MID1: variants seen among roughly 807,000 people sequenced by gnomAD.
MID1 encodes E3 ubiquitin-protein ligase Midline-1.
MID1 carries 7 observed loss-of-function variants against 40.4 expected under a neutral mutation model. That is an observed-to-expected ratio of 0.17 (90% CI 0.10 to 0.33). The LOEUF (loss-of-function observed/expected upper bound fraction) is 0.33. MID1 is among the 10% of genes least tolerant of loss of function. The probability of loss-of-function intolerance (pLI) is 1.00; values close to 1 mark genes in which losing one functional copy is unlikely to be tolerated. For synonymous variants in MID1, 229 were observed against 221.2 expected (o/e 1.04, Z -0.31); for missense variants, 367 against 558.5 (o/e 0.66, Z 3.46).
intron 1 of MID1, among the ~76,000 whole-genome samples, chrX:10,811,983 GTTAAT>G (rs2044105826): frequency 9.0e-6 from 1 of 111,577 alleles, no homozygotes; most frequent in African/African-American, 3.3e-5. Context: ...GTCATTAATG[GTTAAT>G]TTAAAGTTGG....
At chrX:10,636,490 G>T (rs1286792074) in intron 1 of MID1, among the ~76,000 whole-genome samples, 1 of 109,854 alleles carries the variant, frequency 9.1e-6, no homozygotes, top group Non-Finnish European at 1.9e-5. Flanking sequence ...AGTCCTTACA[G>T]GTTTCACCGT....
intron 6 of MID1, among the ~76,000 whole-genome samples, chrX:10,473,990 C>G (rs1290572403): frequency 2.7e-5 from 3 of 111,907 alleles, no homozygotes; most frequent in Non-Finnish European, 3.8e-5. Flanking sequence ...AAACACAGCA[C>G]TAGGAATTCC....
At chrX:10,731,083 T>C (rs960570482) in intron 1 of MID1, among the ~76,000 whole-genome samples, 4 of 111,781 alleles carry the variant, frequency 3.6e-5, no homozygotes, top group African/African-American at 1.3e-4. Context: ...CTTGAAAATA[T>C]TTGAGATGAA....
intron 1 of MID1, among the ~76,000 whole-genome samples, chrX:10,704,716 G>GTATATATATA (rs771605675): frequency 1.6e-3 from 125 of 78,072 alleles, no homozygotes; most frequent in Admixed American, 2.5e-3. Flanking sequence ...GTGTGTGTGT[G>GTATATATATA]TATATATATA....
At chrX:10,715,600 G>A (rs2043297102) in intron 1 of MID1, among the ~76,000 whole-genome samples, 1 of 112,043 alleles carries the variant, frequency 8.9e-6, no homozygotes, top group African/African-American at 3.2e-5. Context: ...GCTTGCCTCT[G>A]TAGACTCCAC....
At chrX:10,503,732 G>A (rs988813056) in intron 3 of MID1, among the ~76,000 whole-genome samples, 3 of 111,535 alleles carry the variant, frequency 2.7e-5, no homozygotes, top group Admixed American at 9.5e-5. Context: ...TTTGCTATGG[G>A]ACTAAAAAAA....
upstream of MID1, among the ~76,000 whole-genome samples, chrX:10,621,790 A>T (rs190371006): frequency 2.8e-5 from 3 of 109,083 alleles, no homozygotes; most frequent in Admixed American, 1.0e-4. Flanking sequence ...ACTTCAGTCC[A>T]CTTCTTGTAC....
At chrX:10,701,917 A>G (rs1163570425) in intron 1 of MID1, among the ~76,000 whole-genome samples, 1 of 112,801 alleles carries the variant, frequency 8.9e-6, no homozygotes, top group East Asian at 2.8e-4. Context: ...TGCATAAGTA[A>G]ATAACATTGA....
intron 3 of MID1, among the ~76,000 whole-genome samples, chrX:10,505,003 G>C (rs1205823824): frequency 9.0e-6 from 1 of 111,720 alleles, no homozygotes; most frequent in Non-Finnish European, 1.9e-5. Flanking sequence ...ATATTCAGAG[G>C]ACTGCAGGTA....
intron 2 of MID1, among the ~76,000 whole-genome samples, chrX:10,547,605 A>AAGGGGGGGGGGGGGGG (rs1555902071): frequency 1.0e-5 from 1 of 95,449 alleles, no homozygotes; most frequent in African/African-American, 4.7e-5. Context: ...GGAAGGAAAG[A>AAGGGGGGGGGGGGGGG]AGGGAGGGTA....
rs1002023962 is a variant in MID1 at position 10,733,507 on chromosome X, T to A, written c.-187+100047A>T. Among the ~76,000 whole-genome samples, 4 of 111,498 alleles carry A rather than the reference T, an allele frequency of 3.6e-5. No homozygotes were observed. In the East Asian group the frequency reaches 1.1e-3, roughly 31 times the overall value. On this transcript the variant is annotated intron_variant, in intron 1 of 10. Coordinates refer to the MID1 transcript ENST00000380785. ...TGCTTATCAAAATACACTTGAAAAA[T>A]GAAAAGGCAAGCTATACATTGAAAA...
chrX:10,550,256 G>A (rs1293354019), intron 2 of MID1, among the ~76,000 whole-genome samples: 1 of 112,556 alleles, frequency 8.9e-6, no homozygotes, highest in Non-Finnish European at 1.9e-5. Context: ...GACACAGACG[G>A]CTACACCTGG....
At chrX:10,766,908 C>CAAAAAAAA (rs61259004) in intron 1 of MID1, among the ~76,000 whole-genome samples, 1 of 57,346 alleles carries the variant, frequency 1.7e-5, no homozygotes. Context: ...GACCCTGCCT[C>CAAAAAAAA]AAAAAAAAAA....
intron 7 of MID1, among the ~76,000 whole-genome samples, chrX:10,462,086 A>ATTAT (rs778192838): frequency 2.9e-4 from 33 of 112,158 alleles, no homozygotes; most frequent in African/African-American, 1.0e-3. Context: ...GACTATCCTG[A>ATTAT]TTATTTTGAA....
At chrX:10,476,416 G>A (rs1489059150) in intron 5 of MID1, among the ~76,000 whole-genome samples, 1 of 110,549 alleles carries the variant, frequency 9.0e-6, no homozygotes, top group Non-Finnish European at 1.9e-5. Flanking sequence ...ATCACCCTTT[G>A]GGAGGCCTTG....
chrX:10,765,922 AGAAAGGAAAGGAAAG>A (rs1206063913), intron 1 of MID1, among the ~76,000 whole-genome samples: 3 of 97,863 alleles, frequency 3.1e-5, no homozygotes, highest in African/African-American at 1.3e-4. Flanking sequence ...AAAGAAAGAA[AGAAAGGAAAGGAAAG>A]GAAAGGAAAG....
At chrX:10,548,322 C>A (rs1171342094) in intron 2 of MID1, among the ~76,000 whole-genome samples, 1 of 111,304 alleles carries the variant, frequency 9.0e-6, no homozygotes, top group Non-Finnish European at 1.9e-5. Context: ...CTCTATGGTG[C>A]CCTCTCTATA....
chrX:10,480,827 G>A (rs765677877), intron 5 of MID1, among the ~76,000 whole-genome samples: 1 of 111,779 alleles, frequency 8.9e-6, no homozygotes, highest in South Asian at 3.8e-4. Context: ...CAGTCAAGCC[G>A]ATTGGACAGT....
chrX:10,663,930 A>G (rs757860147), intron 1 of MID1, among the ~76,000 whole-genome samples: 1 of 111,891 alleles, frequency 8.9e-6, no homozygotes, highest in South Asian at 3.7e-4. Context: ...ATGAGTATAC[A>G]CGCATCCTCC....
Sources: allele counts gnomAD v4.1 joint callset (sites outside exome capture counted in the v4.1 genomes callset), GRCh38; gene constraint gnomAD v4.1.1; transcripts MANE v1.5; gene names NCBI Gene and HGNC (gene_info 2026-07-23, HGNC 2026-07-21).